The following SKIL variants were observed in gnomAD, a reference collection of about 807,000 sequenced individuals.
SKIL encodes the protein SKI like proto-oncogene.
SKIL carries 20 observed loss-of-function variants against 69.6 expected under a neutral mutation model. The observed-to-expected ratio is 0.29, with a 90% confidence interval of 0.20 to 0.42. The LOEUF (loss-of-function observed/expected upper bound fraction) is 0.42. Ranked by LOEUF, SKIL falls within the 10% of genes least tolerant of loss-of-function variation. SKIL has a pLI of 1.00. For missense variants in SKIL, 745 were observed against 783.1 expected (o/e 0.95, Z 0.58); for synonymous variants, 310 against 279.9 (o/e 1.11, Z -1.08).
intron 3 of SKIL, among the ~76,000 whole-genome samples, chr3:170,381,854 GGT>G (rs1737370664): frequency 6.6e-6 from 1 of 151,996 alleles, no homozygotes; most frequent in Non-Finnish European, 1.5e-5. Context: ...GGCCGAGGTG[GGT>G]GGATCATGAG....
At chr3:170,390,520 T>C in intron 5 of SKIL, 56 bp downstream of exon 5, 1 of 1,443,354 alleles carries the variant, frequency 6.9e-7, no homozygotes, top group Non-Finnish European at 9.6e-7. Flanking sequence ...TGTATATTGC[T>C]CTGTCGCCCA....
At chr3:170,366,652 A>G in intron 2 of SKIL, among the ~76,000 whole-genome samples, 1 of 151,320 alleles carries the variant, frequency 6.6e-6, no homozygotes, top group East Asian at 1.9e-4. Context: ...CCTGGGTGAC[A>G]GAGTGAAACT....
chr3:170,365,485 T>C (rs1352347491), intron 2 of SKIL, among the ~76,000 whole-genome samples: 1 of 152,148 alleles, frequency 6.6e-6, no homozygotes, highest in Non-Finnish European at 1.5e-5. Flanking sequence ...AACTGCCATA[T>C]CGTGCACATA....
At chr3:170,372,766 A>C (rs1375588601) in intron 2 of SKIL, among the ~76,000 whole-genome samples, 1 of 152,170 alleles carries the variant, frequency 6.6e-6, no homozygotes, top group East Asian at 1.9e-4. Flanking sequence ...GTATCCAGTC[A>C]TATGTTTAGT....
rs1560224797 is a variant in SKIL at position 170,394,114 on chromosome 3, A to ATTTTTTT, written c.*1697_*1698insTTTTTTT. The ATTTTTTT allele has an allele frequency of 8.4e-5, 11 of 131,658 alleles. No individual in the cohort carries two copies. The highest frequency in any genetic ancestry group is 2.8e-4 in the African/African-American group (9 of 32,366). The allele number at this position is 131,658 out of a possible 1,614,324, so 8.2% of individuals were successfully genotyped here. A position where few individuals can be genotyped will look rare whatever the true frequency, so the allele number is the denominator to read the frequency against. On this transcript the variant is annotated 3_prime_UTR_variant, in exon 7 of 7. Coordinates refer to ENST00000259119, the MANE Select transcript of SKIL (RefSeq NM_005414.5). ...AATATTAAAATGACATGTAGAAACAAATTTTTTTTTTTTTTTTTTTTTTTT... is the reference window on the plus strand; with the variant it reads ...AATATTAAAATGACATGTAGAAACAATTTTTTTATTTTTTTTTTTTTTTTTTTTTTTT...
chr3:170,358,928 T>C (rs1736077527), intron 1 of SKIL, among the ~76,000 whole-genome samples: 2 of 152,204 alleles, frequency 1.3e-5, no homozygotes, highest in South Asian at 2.1e-4. Flanking sequence ...TCCAGAAAAA[T>C]AGTGTACACG....
In SKIL at chr3:170,384,768, A is replaced by G. The variant is rs776253617; in HGVS notation, c.1429+3A>G. On this transcript the variant is annotated splice_donor_region_variant and intron_variant, in intron 4 of 6. Transcript: ENST00000259119. ...TAGAGAATTATGTAGCCGTTTAGGT[A>G]AGTATTCAGAGATTATCTTTCTAAA... 65 of 1,401,278 alleles carry G rather than the reference A, an allele frequency of 4.6e-5. 1 individual carries two copies. The Admixed American group carries it at 9.1e-4, about 20-fold the overall frequency. 86.8% of individuals were successfully genotyped at this position (1,401,278 alleles called of 1,614,324 possible).
At chr3:170,363,623 T>C (rs1415934924) in intron 2 of SKIL, among the ~76,000 whole-genome samples, 3 of 151,018 alleles carry the variant, frequency 2.0e-5, no homozygotes, top group Admixed American at 6.6e-5. Context: ...GTCACTGGGA[T>C]TACAGGCATC....
At chr3:170,375,674 A>G (rs1577425558) in intron 2 of SKIL, among the ~76,000 whole-genome samples, 2 of 152,256 alleles carry the variant, frequency 1.3e-5, no homozygotes. Context: ...TGCCAGCTTC[A>G]ACTGATTCTC....
At chr3:170,382,419 T>A (rs912734586) in intron 3 of SKIL, among the ~76,000 whole-genome samples, 6 of 151,200 alleles carry the variant, frequency 4.0e-5, no homozygotes, top group East Asian at 1.9e-4. Flanking sequence ...TTTGATTTTT[T>A]TTTTTTTTTT....
intron 2 of SKIL, among the ~76,000 whole-genome samples, chr3:170,366,696 G>GACACACGC (rs1553852253): frequency 1.9e-4 from 28 of 147,692 alleles, no homozygotes; most frequent in African/African-American, 7.0e-4. Context: ...CACACACACA[G>GACACACGC]ACACACACAC....
In SKIL at chr3:170,360,711, C is replaced by T; in HGVS notation, c.380C>T (p.Pro127Leu). Residue 127 changes from proline to leucine, a missense_variant, in exon 2 of 7, where the codon CCT becomes CTT. Transcript: ENST00000259119. ...ACTGTATTTCTGCCTCTTCCATCAC[C>T]TCAGGTTCTTCCTGGCCCATTGCTC... ...SPTVFLPLPS[P>L]QVLPGPLLIP... 1 of 1,614,224 alleles carries T rather than the reference C, an allele frequency of 6.2e-7. No homozygotes were observed.
intron 2 of SKIL, among the ~76,000 whole-genome samples, chr3:170,372,899 T>G (rs1330208983): frequency 6.6e-6 from 1 of 152,228 alleles, no homozygotes; most frequent in Non-Finnish European, 1.5e-5. Context: ...CAACCTACAC[T>G]ACTGCTTCTG....
rs1245342400 is a variant in SKIL, at chr3:170,360,713, C to T, written c.382C>T (p.Gln128Ter). The T allele has an allele frequency of 6.2e-7, 1 of 1,614,206 alleles. No homozygotes were observed. Residue 128 changes from glutamine to a stop codon, truncating the protein, a stop_gained, in exon 2 of 7, where the codon CAG becomes TAG. Transcript: ENST00000259119. LOFTEE classifies it high-confidence loss of function. ...TGTATTTCTGCCTCTTCCATCACCT[C>T]AGGTTCTTCCTGGCCCATTGCTCAT... Reference protein sequence around the residue: ...PTVFLPLPSPQVLPGPLLIPS... With the variant: ...PTVFLPLPSP
intron 2 of SKIL, among the ~76,000 whole-genome samples, chr3:170,366,848 C>T (rs1736554102): frequency 6.6e-6 from 1 of 152,162 alleles, no homozygotes; most frequent in Non-Finnish European, 1.5e-5. Flanking sequence ...GCAAACATCA[C>T]ATTCCTGATT....
intron 2 of SKIL, among the ~76,000 whole-genome samples, chr3:170,376,441 TC>T (rs1178823741): frequency 2.6e-5 from 4 of 152,206 alleles, no homozygotes; most frequent in Admixed American, 6.5e-5. Context: ...TGCAAAATGT[TC>T]TACCCGTTAA....
At position 170,396,221 on chromosome 3, in the gene SKIL, A is replaced by C. The variant is rs1480561219; in HGVS notation, c.*3804A>C. The C allele has an allele frequency of 6.6e-6, 1 of 152,134 alleles. No individual in the cohort carries two copies. The highest frequency in any genetic ancestry group is 1.5e-5 in the Non-Finnish European group (1 of 67,968). 9.4% of individuals were successfully genotyped at this position (152,134 alleles called of 1,614,324 possible). Reference sequence around the variant, plus strand: ...TAGTTTAATGTAAAAGGAATTTATAAGATTTTTTTCCTCAATATAGATACC... The same window carrying C: ...TAGTTTAATGTAAAAGGAATTTATACGATTTTTTTCCTCAATATAGATACC... On this transcript the variant is annotated 3_prime_UTR_variant, in exon 7 of 7. Coordinates refer to ENST00000259119, the MANE Select transcript of SKIL (RefSeq NM_005414.5).
At chr3:170,377,801 G>A (rs187302729) in intron 2 of SKIL, among the ~76,000 whole-genome samples, 3 of 149,258 alleles carry the variant, frequency 2.0e-5, no homozygotes, top group African/African-American at 7.4e-5. Flanking sequence ...TGATCCACCC[G>A]CCTTGGCCTC....
Position 170,360,222 on chromosome 3 carries a change from G to T in SKIL, c.-110G>T. The T allele has an allele frequency of 1.8e-6, 2 of 1,094,416 alleles. No homozygotes were observed. The highest frequency in any genetic ancestry group is 1.9e-5 in the South Asian group (1 of 53,456). 67.8% of individuals were successfully genotyped at this position (1,094,416 alleles called of 1,614,324 possible). On this transcript the variant is annotated 5_prime_UTR_variant, in exon 2 of 7. Transcript: ENST00000259119. ...AGGGGCTCTCGCTTTGAAAGTTTGA[G>T]AGTAAGTTACGATAGGCATTTGTAT...
Sources: gnomAD v4.1 joint callset for allele counts (sites outside exome capture counted in the v4.1 genomes callset) on GRCh38, gnomAD v4.1.1 for gene constraint, MANE v1.5 for transcripts, NCBI Gene and HGNC (gene_info 2026-07-23, HGNC 2026-07-21) for gene names.